CYLD: variants seen among roughly 807,000 people sequenced by gnomAD.
CYLD encodes the protein ubiquitin carboxyl-terminal hydrolase CYLD.
In CYLD, 26 loss-of-function variants were observed where a neutral mutation model predicts 104.5. The ratio of observed to expected loss-of-function variants is 0.25; its 90% CI spans 0.18 to 0.35. CYLD has a LOEUF of 0.35. Among genes scored for constraint, CYLD ranks in the 10% least tolerant of loss-of-function variants. The pLI is 1.00. For missense variants in CYLD, 703 were observed against 1,136.1 expected (o/e 0.62, Z 5.48); for synonymous variants, 385 against 399.9 (o/e 0.96, Z 0.45).
At chr16:50,780,776 C>T (rs1970144202) in intron 9 of CYLD, among the ~76,000 whole-genome samples, 1 of 152,010 alleles carries the variant, frequency 6.6e-6, no homozygotes, top group Non-Finnish European at 1.5e-5. Context: ...GCCTTGGCCT[C>T]CTAAAGTGCT....
chr16:50,779,862 A>G lies in CYLD; in HGVS notation c.1336A>G (p.Met446Val). ...SPLSLSAQSV[M>V]EELNTAPVQE... ...ACTTTCTCTGTCAGCCCAGTCTGTAATGGAAGAGCTAAACACTGCACCCGT... is the reference window on the plus strand; with the variant it reads ...ACTTTCTCTGTCAGCCCAGTCTGTAGTGGAAGAGCTAAACACTGCACCCGT... The change falls in exon 9 of 19, where the codon ATG (methionine) becomes GTG (valine). Residue 446 changes from methionine (M) to valine (V), a missense_variant. Met to Val is a conservative substitution (Grantham distance 21, BLOSUM62 1). This residue lies in a region of CYLD where 183 missense variants were observed against 212.1 expected (regional missense o/e 0.86). Coordinates refer to ENST00000427738, the MANE Select transcript of CYLD (RefSeq NM_001378743.1). The G allele has an allele frequency of 9.3e-6, 15 of 1,613,930 alleles. No individual in the cohort carries two copies. Among genetic ancestry groups the G allele is most frequent in the Non-Finnish European group, 1.3e-5 (15 of 1,179,992 alleles).
At chr16:50,782,552 G>A in intron 11 of CYLD, 86 bp downstream of exon 11, 1 of 1,410,868 alleles carries the variant, frequency 7.1e-7, no homozygotes, top group Non-Finnish European at 1.0e-6. Context: ...GCGTGTGAGT[G>A]TGTGTGAAAG....
Position 50,751,734 on chromosome 16 carries a change from T to C in CYLD, c.635T>C (p.Leu212Ser), listed in dbSNP as rs375434282. The change falls in exon 4 of 19, where the codon TTG becomes TCG. Residue 212 changes from leucine (L) to serine (S), a missense_variant. Leu to Ser is a moderately radical substitution (Grantham distance 145, BLOSUM62 -2). Transcript: ENST00000427738. The part of the protein sequence containing the change: ...LELIEDDDTA[L>S]ESDYAGPGDT... Reference sequence around the variant, plus strand: ...CTCATAGAAGATGATGACACTGCATTGGAAAGTGATTACGCAGGTCCTGGG... The same window carrying C: ...CTCATAGAAGATGATGACACTGCATCGGAAAGTGATTACGCAGGTCCTGGG... The C allele has an allele frequency of 1.6e-5, 26 of 1,613,784 alleles. No individual in the cohort carries two copies. The highest frequency in any genetic ancestry group is 2.2e-5 in the Non-Finnish European group (26 of 1,179,830).
At chr16:50,757,383 C>T (rs1967374533) in intron 5 of CYLD, among the ~76,000 whole-genome samples, 1 of 152,152 alleles carries the variant, frequency 6.6e-6, no homozygotes, top group African/African-American at 2.4e-5. Context: ...ACATACTTTG[C>T]TTTACTTGAT....
intron 4 of CYLD, among the ~76,000 whole-genome samples, chr16:50,753,585 T>G (rs947188167): frequency 3.3e-5 from 5 of 152,228 alleles, no homozygotes; most frequent in Admixed American, 1.3e-4. Flanking sequence ...AGGAAAGTTC[T>G]GGCAAATGCT....
Position 50,755,002 on chromosome 16 carries a change from T to TATACATATATATGTATAC in CYLD, c.913+595_913+596insCATACATATATATGTATA, listed in dbSNP as rs1966880904. 2.0e-4 allele frequency among the ~76,000 whole-genome samples: 2 copies of TATACATATATATGTATAC among 9,778 alleles called. 1 individual carries two copies. The highest frequency in any genetic ancestry group is 4.5e-4 in the Non-Finnish European group (2 of 4,406). 6.4% of individuals were successfully genotyped at this position (9,778 alleles called of 152,430 possible). On this transcript the variant is annotated intron_variant, in intron 5 of 18. Transcript: ENST00000427738. ...ATACATATATACATATATATGTATA[T>TATACATATATATGTATAC]ATACATATATATGTATATATACATA...
rs573599493 is a variant in CYLD, at chr16:50,775,063, T to A, written c.914-103T>A. The A allele has an allele frequency of 5.5e-5, 52 of 949,280 alleles. No individual in the cohort carries two copies. The South Asian group carries it at 7.6e-4, about 14-fold the overall frequency. 58.8% of individuals were successfully genotyped at this position (949,280 alleles called of 1,614,324 possible). A position where few individuals can be genotyped will look rare whatever the true frequency, so the allele number is the denominator to read the frequency against. ...TCATTTAGTAAATTTCCTCTTTTTT[T>A]AAGAAAAGTCTTTTCCTTGTGTTTA... On this transcript the variant is annotated intron_variant, in intron 5 of 18. Coordinates refer to ENST00000427738, the MANE Select transcript of CYLD (RefSeq NM_001378743.1).
At chr16:50,775,140 G>A in intron 5 of CYLD, 26 bp from the exon 6 acceptor site, 1 of 1,592,406 alleles carries the variant, frequency 6.3e-7, no homozygotes, top group Admixed American at 1.7e-5. Context: ...TCCACTGTGG[G>A]TGATATCGTT....
intron 2 of CYLD, among the ~76,000 whole-genome samples, chr16:50,744,550 A>C: frequency 6.6e-6 from 1 of 152,236 alleles, no homozygotes; most frequent in East Asian, 1.9e-4. Flanking sequence ...TTTTAGAACA[A>C]GCAGGATATC....
chr16:50,783,345 T>C (rs2151003321), intron 11 of CYLD, among the ~76,000 whole-genome samples: 1 of 152,288 alleles, frequency 6.6e-6, no homozygotes, highest in Admixed American at 6.5e-5. Context: ...AGCCATATGA[T>C]AAGAATTAGG....
Position 50,755,096 on chromosome 16 carries a change from TAC to T in CYLD, c.913+674_913+675del, listed in dbSNP as rs1425672572. 4.1e-4 allele frequency among the ~76,000 whole-genome samples: 49 copies of T among 120,310 alleles called. 2 individuals carry two copies. Among genetic ancestry groups the T allele is most frequent in the African/African-American group, 1.7e-3 (40 of 23,610 alleles). 78.9% of individuals were successfully genotyped at this position (120,310 alleles called of 152,430 possible). Reference sequence around the variant, plus strand: ...GTATACATATACACACATATATACATACATATATACACACATATACACATGTG... The same window carrying T: ...GTATACATATACACACATATATACATATATATACACACATATACACATGTG... On this transcript the variant is annotated intron_variant, in intron 5 of 18. Transcript: ENST00000427738.
chr16:50,799,639 A>G lies in CYLD; in HGVS notation c.*3131A>G, dbSNP rs1353538994. On this transcript the variant is annotated 3_prime_UTR_variant, in exon 19 of 19. Transcript: ENST00000427738. ...TTATTATTTTTTTTCACAGATTTTGAGAACAAGGGGGAGAGATAGTATGGA... is the reference window on the plus strand; with the variant it reads ...TTATTATTTTTTTTCACAGATTTTGGGAACAAGGGGGAGAGATAGTATGGA... 6 of 233,392 alleles carry G rather than the reference A, an allele frequency of 2.6e-5. No homozygotes were observed. Among genetic ancestry groups the G allele is most frequent in the Non-Finnish European group, 4.2e-5 (5 of 117,946 alleles). 14.5% of individuals were successfully genotyped at this position (233,392 alleles called of 1,614,324 possible). A position where few individuals can be genotyped will look rare whatever the true frequency, so the allele number is the denominator to read the frequency against.
chr16:50,777,365 G>A (rs1268539542), intron 7 of CYLD, among the ~76,000 whole-genome samples: 2 of 152,068 alleles, frequency 1.3e-5, no homozygotes, highest in African/African-American at 4.8e-5. Context: ...ATTCCAAAAT[G>A]TTTAAAACTT....
intron 5 of CYLD, among the ~76,000 whole-genome samples, chr16:50,755,024 CAT>C (rs1378395800): frequency 1.0e-4 from 10 of 96,584 alleles, no homozygotes; most frequent in South Asian, 4.2e-4. Context: ...TGTATATATA[CAT>C]ATATATGTAT....
chr16:50,755,589 A>G (rs779122994), intron 5 of CYLD, among the ~76,000 whole-genome samples: 10 of 152,222 alleles, frequency 6.6e-5, no homozygotes, highest in Non-Finnish European at 1.3e-4. Context: ...GTGAGGTGGT[A>G]TCACATTGTG....
At chr16:50,772,799 G>T (rs1473504995) in intron 5 of CYLD, among the ~76,000 whole-genome samples, 2 of 152,180 alleles carry the variant, frequency 1.3e-5, no homozygotes, top group African/African-American at 4.8e-5. Flanking sequence ...GAGTCACCAT[G>T]AATGTTGCCT....
chr16:50,772,228 A>AT (rs926083832), intron 5 of CYLD, among the ~76,000 whole-genome samples: 9 of 152,066 alleles, frequency 5.9e-5, no homozygotes, highest in Admixed American at 3.9e-4. Flanking sequence ...CAGGGTGCTG[A>AT]TTTTTTTATC....
intron 17 of CYLD, among the ~76,000 whole-genome samples, chr16:50,793,912 TTAA>T (rs1397848254): frequency 5.4e-5 from 8 of 147,092 alleles, no homozygotes; most frequent in African/African-American, 2.1e-4. Flanking sequence ...GTTTCTCTCA[TTAA>T]TGACATTTTT....
intron 8 of CYLD, among the ~76,000 whole-genome samples, chr16:50,779,308 T>A (rs1397612047): frequency 6.6e-6 from 1 of 152,224 alleles, no homozygotes; most frequent in Non-Finnish European, 1.5e-5. Context: ...ACGTATTATT[T>A]CTTTTTTGAT....
Sources: gnomAD v4.1 joint callset for allele counts (sites outside exome capture counted in the v4.1 genomes callset) on GRCh38, gnomAD v4.1.1 for gene constraint, gnomAD v4.1.1 regional missense constraint, MANE v1.5 for transcripts, NCBI Gene and HGNC (gene_info 2026-07-23, HGNC 2026-07-21) for gene names.